TANGO6: variants seen among roughly 807,000 people sequenced by gnomAD.
TANGO6 encodes transport and golgi organization 6 homolog.
TANGO6 carries 90 observed loss-of-function variants against 114.2 expected under a neutral mutation model. That is an observed-to-expected ratio of 0.79 (90% CI 0.66 to 0.94). The LOEUF (loss-of-function observed/expected upper bound fraction) is 0.94, where lower values mean the gene tolerates loss of function less well. Ranked by LOEUF, TANGO6 falls within the 40% of genes least tolerant of loss-of-function variation. The pLI is 0.00. For missense variants in TANGO6, 1,274 were observed against 1,315.3 expected, an observed-to-expected ratio of 0.97 and a Z score of 0.49; for synonymous variants, 477 against 509.8, an observed-to-expected ratio of 0.94 and a Z score of 0.87.
intron 14 of TANGO6, among the ~76,000 whole-genome samples, chr16:68,959,646 T>C (rs970379635): frequency 2.7e-5 from 4 of 150,146 alleles, no homozygotes; most frequent in Admixed American, 2.0e-4. Flanking sequence ...TGAGGAAGAG[T>C]TTCCACCTTG....
intron 14 of TANGO6, among the ~76,000 whole-genome samples, chr16:68,943,933 G>A (rs866905977): frequency 6.6e-6 from 1 of 152,212 alleles, no homozygotes; most frequent in Non-Finnish European, 1.5e-5. Context: ...GAGCAAGAGA[G>A]TAAGAAGGAA....
At chr16:68,877,381 T>C (rs113940341) in intron 5 of TANGO6, among the ~76,000 whole-genome samples, 2 of 150,898 alleles carry the variant, frequency 1.3e-5, no homozygotes, top group East Asian at 4.0e-4. Flanking sequence ...GGCAGGAGAA[T>C]TGCTTGAACC....
intron 1 of TANGO6, among the ~76,000 whole-genome samples, chr16:68,848,204 T>G (rs950993600): frequency 2.0e-5 from 3 of 152,014 alleles, no homozygotes; most frequent in Non-Finnish European, 4.4e-5. Flanking sequence ...ACTTCTGGGC[T>G]CGGGTGATGC....
intron 15 of TANGO6, among the ~76,000 whole-genome samples, chr16:69,006,827 C>T (rs1410350202): frequency 1.3e-5 from 2 of 152,144 alleles, no homozygotes; most frequent in Admixed American, 6.5e-5. Flanking sequence ...TTACAGTGTA[C>T]ACCTCAATGT....
chr16:68,852,708 C>T (rs1237289284), intron 1 of TANGO6, among the ~76,000 whole-genome samples: 1 of 152,036 alleles, frequency 6.6e-6, no homozygotes. Context: ...TGGTATGCAA[C>T]TGTGGTCCCA....
intron 3 of TANGO6, 97 bp from the exon 4 acceptor site, chr16:68,866,982 T>C: frequency 2.0e-6 from 1 of 505,450 alleles, no homozygotes; most frequent in Non-Finnish European, 2.8e-6. Flanking sequence ...CTCCTTTTTT[T>C]TTTTTTTTTT....
chr16:68,925,864 A>G (rs1457787253), intron 12 of TANGO6, among the ~76,000 whole-genome samples: 4 of 65,208 alleles, frequency 6.1e-5, no homozygotes, highest in African/African-American at 3.9e-4. Context: ...TGTTGAAAAA[A>G]CTGTCTTTTC....
At chr16:69,072,106 G>GTGT (rs1960305673) in intron 17 of TANGO6, among the ~76,000 whole-genome samples, 1 of 136,242 alleles carries the variant, frequency 7.3e-6, no homozygotes, top group African/African-American at 2.8e-5. Context: ...GTGTATGTGT[G>GTGT]AAGAGAGAGG....
chr16:68,918,702 T>C (rs1039018076), intron 11 of TANGO6, among the ~76,000 whole-genome samples: 2 of 152,236 alleles, frequency 1.3e-5, no homozygotes, highest in African/African-American at 4.8e-5. Context: ...ATGAGGATAA[T>C]AGTACTGACC....
At chr16:68,938,061 A>G (rs1284184604) in intron 14 of TANGO6, among the ~76,000 whole-genome samples, 1 of 152,224 alleles carries the variant, frequency 6.6e-6, no homozygotes, top group African/African-American at 2.4e-5. Context: ...CTTACCAGCA[A>G]TGTATGAGTG....
intron 15 of TANGO6, among the ~76,000 whole-genome samples, chr16:68,980,435 A>ATATATATATATAT (rs1317961639): frequency 2.1e-4 from 13 of 61,774 alleles, no homozygotes; most frequent in Non-Finnish European, 3.5e-4. Context: ...ATATATATAT[A>ATATATATATATAT]TTTTTTTTTT....
At chr16:68,914,860 C>G (rs1271703831) in intron 11 of TANGO6, among the ~76,000 whole-genome samples, 1 of 148,736 alleles carries the variant, frequency 6.7e-6, no homozygotes, top group Non-Finnish European at 1.5e-5. Flanking sequence ...TATCTCTTTA[C>G]AGTTAACAGT....
chr16:69,068,477 A>C (rs1960250565), intron 17 of TANGO6, among the ~76,000 whole-genome samples: 1 of 152,198 alleles, frequency 6.6e-6, no homozygotes, highest in Non-Finnish European at 1.5e-5. Context: ...GAGTTAATGT[A>C]GACAAAATGC....
At chr16:69,068,800 G>A (rs547317169) in intron 17 of TANGO6, among the ~76,000 whole-genome samples, 108 of 152,220 alleles carry the variant, frequency 7.1e-4, no homozygotes, top group South Asian at 2.9e-3. Context: ...TGCAACCTCC[G>A]CCTCCCAGAT....
At chr16:68,887,857 C>T (rs1396888608) in intron 7 of TANGO6, among the ~76,000 whole-genome samples, 2 of 152,086 alleles carry the variant, frequency 1.3e-5, no homozygotes, top group South Asian at 2.1e-4. Flanking sequence ...CCAGCCTGGG[C>T]AACAGAGAGA....
intron 15 of TANGO6, among the ~76,000 whole-genome samples, chr16:69,015,363 A>T (rs1959275745): frequency 6.6e-6 from 1 of 152,164 alleles, no homozygotes; most frequent in Non-Finnish European, 1.5e-5. Flanking sequence ...ACCAGGTACA[A>T]TGCAGGGTCT....
At chr16:68,974,904 A>G (rs1249362370) in intron 15 of TANGO6, among the ~76,000 whole-genome samples, 1 of 152,046 alleles carries the variant, frequency 6.6e-6, no homozygotes, top group Non-Finnish European at 1.5e-5. Flanking sequence ...CATCTCTACC[A>G]AAAATTAGCC....
rs139497098 is a variant in TANGO6, at chr16:69,061,018, A to G, written c.3108+20597A>G. ...AAAAAAACAAAAAAAACAAAAAAAT[A>G]AAAGACTGGGAATTCTGGGACTTCC... is the stretch of plus-strand genomic sequence containing the variant. On this transcript the variant is annotated intron_variant, in intron 17 of 17. Coordinates refer to ENST00000261778, the MANE Select transcript of TANGO6 (RefSeq NM_024562.2). 9.8e-4 allele frequency among the ~76,000 whole-genome samples: 149 copies of G among 152,158 alleles called. 1 individual carries two copies. The highest frequency in any genetic ancestry group is 3.4e-3 in the African/African-American group (140 of 41,528).
intron 17 of TANGO6, among the ~76,000 whole-genome samples, chr16:69,075,540 G>A (rs2312582): frequency 0.088 from 13,294 of 150,542 alleles, 660 homozygotes; most frequent in South Asian, 0.19. Flanking sequence ...TGCAGCCTCA[G>A]CCTCCTGGGT....
Sources: allele counts gnomAD v4.1 joint callset (sites outside exome capture counted in the v4.1 genomes callset), GRCh38; gene constraint gnomAD v4.1.1; transcripts MANE v1.5; gene names NCBI Gene and HGNC (gene_info 2026-07-23, HGNC 2026-07-21).